Variants in TNXB observed in about 807,000 individuals in gnomAD.
The protein encoded by TNXB is tenascin-X.
TNXB carries 183 observed loss-of-function variants against 340.5 expected under a neutral mutation model. That is an observed-to-expected ratio of 0.54 (90% CI 0.48 to 0.61). The LOEUF (loss-of-function observed/expected upper bound fraction) is 0.61. Among genes scored for constraint, TNXB ranks in the 20% least tolerant of loss-of-function variants. The pLI, the probability that TNXB is intolerant of heterozygous loss-of-function variation, is 0.00. For missense variants in TNXB, 4,613 were observed against 5,446.4 expected (o/e 0.85, Z 4.82); for synonymous variants, 2,121 against 2,314.5 (o/e 0.92, Z 2.40).
At position 32,067,076 on chromosome 6, in the gene TNXB, A is replaced by G. The variant is rs1582399625; in HGVS notation, c.6544+585T>C. 1.1e-5 allele frequency among the ~76,000 whole-genome samples: 1 copy of G among 89,038 alleles called. No homozygotes were observed. Among genetic ancestry groups the G allele is most frequent in the Non-Finnish European group, 2.6e-5 (1 of 38,568 alleles). 58.4% of individuals were successfully genotyped at this position (89,038 alleles called of 152,430 possible). A position where few individuals can be genotyped will look rare whatever the true frequency, so the allele number is the denominator to read the frequency against. ...AGGCGACAGAGTGAGACCTTGTCTA[A>G]AAAGAAAGAAAGAAAAGAATGAAAG... On this transcript the variant is annotated intron_variant, in intron 18 of 43. Transcript: ENST00000644971. This position sits in a 1 kb window ranked among gnomAD's most constrained non-coding sequence, Gnocchi z 4.2.
rs567836351 is a variant in TNXB, at chr6:32,075,435, G to A, written c.4376-1483C>T. ...TTCTCGCCTGCCAGTCTCTGCATTT[G>A]CTCTTCCTTCTGTCTGGGATGCTCT... On this transcript the variant is annotated intron_variant, in intron 11 of 43. Coordinates refer to ENST00000644971, the MANE Select transcript of TNXB (RefSeq NM_001365276.2). This position sits in a 1 kb window ranked among gnomAD's most constrained non-coding sequence, Gnocchi z 4.6. Among the ~76,000 whole-genome samples the A allele has an allele frequency of 6.6e-6, 1 of 152,322 alleles. No homozygotes were observed. The highest frequency in any genetic ancestry group is 2.1e-4 in the South Asian group (1 of 4,828).
intron 18 of TNXB, 118 bp from the exon 19 acceptor site, chr6:32,065,235 C>CTGATTA: frequency 1.1e-6 from 1 of 901,784 alleles, no homozygotes; most frequent in Non-Finnish European, 1.6e-6. Flanking sequence ...AGATCGATTT[C>CTGATTA]TGATTATAAT....
At position 32,068,636 on chromosome 6, in the gene TNXB, C is replaced by T. The variant is rs756354346; in HGVS notation, c.5974G>A (p.Glu1992Lys). The change falls in exon 17 of 44, where the codon GAG becomes AAG. Residue 1992 changes from glutamate (E) to lysine (K), a missense_variant. This residue lies in a region of TNXB where 4,327 missense variants were observed against 4,859.4 expected (regional missense o/e 0.89). Transcript: ENST00000644971. This position sits in a 1 kb window ranked among gnomAD's most constrained non-coding sequence, Gnocchi z 5.3. ...GGGGTGGCATCTGTCACGGTCAGCT[C>T]CCCCAGGCGAGGCTTGATGGGGGGC... ...PEPPIKPRLGELTVTDATPDS... is the reference protein window; with the variant it reads ...PEPPIKPRLGKLTVTDATPDS... 8 of 1,613,764 alleles carry T rather than the reference C, an allele frequency of 5.0e-6. No homozygotes were observed. The Admixed American group carries it at 6.7e-5, about 13-fold the overall frequency.
rs538229835 is a variant in TNXB at position 32,083,235 on chromosome 6, C to T, written c.3446-909G>A. Among the ~76,000 whole-genome samples, 1 of 152,142 alleles carries T rather than the reference C, an allele frequency of 6.6e-6. No individual in the cohort carries two copies. Among genetic ancestry groups the T allele is most frequent in the Non-Finnish European group, 1.5e-5 (1 of 68,032 alleles). On this transcript the variant is annotated intron_variant, in intron 8 of 43. Transcript: ENST00000644971. This position sits in a 1 kb window ranked among gnomAD's most constrained non-coding sequence, Gnocchi z 4.6. The stretch of plus-strand genomic sequence containing the variant: ...TTCTGCCCCTCCCTGCAAGTCACTC[C>T]GCAAGCTACCCTGTGGGCTCTTCTT...
Position 32,073,949 on chromosome 6 carries a change from G to A in TNXB, c.4379C>T (p.Pro1460Leu). 3 of 1,593,860 alleles carry A rather than the reference G, an allele frequency of 1.9e-6. No individual in the cohort carries two copies. Among genetic ancestry groups the A allele is most frequent in the Non-Finnish European group, 8.6e-7 (1 of 1,168,174 alleles). The change falls in exon 12 of 44, where the codon CCA becomes CTA. Residue 1460 changes from proline (P) to leucine (L), a missense_variant. Pro to Leu is a moderately conservative substitution (Grantham distance 98). Coordinates refer to ENST00000644971, the MANE Select transcript of TNXB (RefSeq NM_001365276.2). This position sits in a 1 kb window ranked among gnomAD's most constrained non-coding sequence, Gnocchi z 4.6. ...GGCTGGAGGGGTCTCTTCTTGTTGTGGGGCTGGGACAGAGATGGTAGGGGG... is the reference window on the plus strand; with the variant it reads ...GGCTGGAGGGGTCTCTTCTTGTTGTAGGGCTGGGACAGAGATGGTAGGGGG... ...GPVSAVGVTA[P>L]QQEETPPATE...
intron 35 of TNXB, 50 bp from the exon 36 acceptor site, chr6:32,043,606 C>T (rs1203230962): frequency 8.5e-6 from 11 of 1,288,910 alleles, no homozygotes; most frequent in African/African-American, 7.6e-5. Flanking sequence ...CTCTCTACTC[C>T]GTGCCTCCCC....
At position 32,087,873 on chromosome 6, in the gene TNXB, C is replaced by A; in HGVS notation, c.2779+912G>T. 1 of 423,646 alleles carries A rather than the reference C, an allele frequency of 2.4e-6. No homozygotes were observed. The highest frequency in any genetic ancestry group is 1.7e-5 in the South Asian group (1 of 58,822). 26.2% of individuals were successfully genotyped at this position (423,646 alleles called of 1,614,324 possible). A position where few individuals can be genotyped will look rare whatever the true frequency, so the allele number is the denominator to read the frequency against. On this transcript the variant is annotated intron_variant, in intron 6 of 43. Coordinates refer to ENST00000644971, the MANE Select transcript of TNXB (RefSeq NM_001365276.2). The surrounding 1 kb of genome is among the most constrained non-coding windows in gnomAD (Gnocchi z 9.0). ...TGGGCGGGGACTCCTCCTCCCTTTC[C>A]TCTGCTGGCCTCGAGGGCCAAGGGG... is the stretch of plus-strand genomic sequence containing the variant.
At position 32,098,258 on chromosome 6, in the gene TNXB, G is replaced by A. The variant is rs533464525; in HGVS notation, c.-8-52C>T. ...AGCAGCTTCAAAAAGGAGACAAAATGAATCCCCCCTTCTCCAGCACATACC... is the reference window on the plus strand; with the variant it reads ...AGCAGCTTCAAAAAGGAGACAAAATAAATCCCCCCTTCTCCAGCACATACC... On this transcript the variant is annotated intron_variant, in intron 1 of 43. Transcript: ENST00000644971. The A allele has an allele frequency of 4.0e-5, 56 of 1,388,440 alleles. No homozygotes were observed. In the African/African-American group the frequency reaches 6.7e-4, roughly 17 times the overall value. The allele number at this position is 1,388,440 out of a possible 1,614,324, so 86.0% of individuals were successfully genotyped here.
Position 32,052,943 on chromosome 6 carries a change from C to T in TNXB, c.8842G>A (p.Glu2948Lys), listed in dbSNP as rs755214571. The T allele has an allele frequency of 1.9e-6, 3 of 1,612,582 alleles. No homozygotes were observed. In the Admixed American group the frequency reaches 5.0e-5, roughly 27 times the overall value. ...CCCAGGAGCGGCTCCTCAGGGGGCT[C>T]CGGGGCCTCCGTGCTGGGTTCTGTG... is the stretch of plus-strand genomic sequence containing the variant. Reference protein sequence around the residue: ...APTEPSTEAPEPPEEPLLGEL... With the variant: ...APTEPSTEAPKPPEEPLLGEL... The change falls in exon 26 of 44, where the codon GAG becomes AAG. Residue 2948 changes from glutamate to lysine, a missense_variant. Transcript: ENST00000644971. This position sits in a 1 kb window ranked among gnomAD's most constrained non-coding sequence, Gnocchi z 4.7.
chr6:32,046,006 T>C lies in TNXB; in HGVS notation c.10606+169A>G. ...TGGCCTGGCTCCTGCTCTGGACTCC[T>C]TGATGGATGTTGAAGCCCACAGGGC... On this transcript the variant is annotated intron_variant, in intron 31 of 43. Transcript: ENST00000644971. This position sits in a 1 kb window ranked among gnomAD's most constrained non-coding sequence, Gnocchi z 6.9. The C allele has an allele frequency of 7.3e-7, 1 of 1,377,868 alleles. No homozygotes were observed. Among genetic ancestry groups the C allele is most frequent in the African/African-American group, 1.4e-5 (1 of 69,260 alleles). The allele number at this position is 1,377,868 out of a possible 1,614,324, so 85.4% of individuals were successfully genotyped here.
chr6:32,055,234 T>A (rs77111030), intron 24 of TNXB, among the ~76,000 whole-genome samples: 7,424 of 152,248 alleles, frequency 0.049, 286 homozygotes, highest in East Asian at 0.12. Flanking sequence ...ACAATCTCTT[T>A]CTAAAGCCTC....
At position 32,069,423 on chromosome 6, in the gene TNXB, G is replaced by T; in HGVS notation, c.5587+130C>A. On this transcript the variant is annotated intron_variant, in intron 15 of 43. Transcript: ENST00000644971. This position sits in a 1 kb window ranked among gnomAD's most constrained non-coding sequence, Gnocchi z 6.2. The stretch of plus-strand genomic sequence containing the variant: ...TGGGACTGGGGCAACTGACTCTAAA[G>T]GGGCACAAGGAAACTTTCTGGATCA... 8.6e-7 allele frequency: 1 copy of T among 1,169,036 alleles called. No homozygotes were observed. The highest frequency in any genetic ancestry group is 1.2e-6 in the Non-Finnish European group (1 of 859,338). The allele number at this position is 1,169,036 out of a possible 1,614,324, so 72.4% of individuals were successfully genotyped here. A position where few individuals can be genotyped will look rare whatever the true frequency, so the allele number is the denominator to read the frequency against.
At position 32,108,456 on chromosome 6, in the gene TNXB, C is replaced by T. The variant is rs961060813; in HGVS notation, c.-9+725G>A. Among the ~76,000 whole-genome samples the T allele has an allele frequency of 1.3e-5, 2 of 152,038 alleles. No individual in the cohort carries two copies. Among genetic ancestry groups the T allele is most frequent in the African/African-American group, 2.4e-5 (1 of 41,368 alleles). On this transcript the variant is annotated intron_variant, in intron 1 of 43. Transcript: ENST00000644971. The surrounding 1 kb of genome is among the most constrained non-coding windows in gnomAD (Gnocchi z 4.8). Reference sequence around the variant, plus strand: ...GAGTGAAGACGGAGCCCCTGTGCCCCCAGAGGCATCTCTCAGCCATCCCAG... The same window carrying T: ...GAGTGAAGACGGAGCCCCTGTGCCCTCAGAGGCATCTCTCAGCCATCCCAG...
intron 6 of TNXB, among the ~76,000 whole-genome samples, chr6:32,088,175 C>T (rs1398151233): frequency 2.0e-5 from 3 of 152,196 alleles, no homozygotes; most frequent in African/African-American, 7.2e-5. Context: ...CATTCCCCTC[C>T]AAGCCCACCA....
Position 32,096,238 on chromosome 6 carries a change from C to T in TNXB, c.1615G>A (p.Glu539Lys), listed in dbSNP as rs1241674342. ...GCGTCACACACGCACACGCCATCCTCGCAAAGGCCGTGCCCACGGCAGTCC... is the reference window on the plus strand; with the variant it reads ...GCGTCACACACGCACACGCCATCCTTGCAAAGGCCGTGCCCACGGCAGTCC... ...PGDCRGHGLC[E>K]DGVCVCDAGY... The change falls in exon 3 of 44, where the codon GAG becomes AAG. Residue 539 changes from glutamate to lysine, a missense_variant. Physicochemically the swap from Glu to Lys is moderately conservative, Grantham distance 56. Around this residue, in one of 7 missense-constraint regions of TNXB, gnomAD observed 4,327 missense variants for 4,859.4 expected, o/e 0.89. Transcript: ENST00000644971. 6.4e-7 allele frequency: 1 copy of T among 1,568,788 alleles called. No homozygotes were observed. Among genetic ancestry groups the T allele is most frequent in the Non-Finnish European group, 8.6e-7 (1 of 1,160,816 alleles).
In TNXB at chr6:32,052,124, C is replaced by T. The variant is rs147075848; in HGVS notation, c.9115+546G>A. Among the ~76,000 whole-genome samples, 43 of 152,244 alleles carry T rather than the reference C, an allele frequency of 2.8e-4. No homozygotes were observed. The highest frequency in any genetic ancestry group is 9.9e-4 in the African/African-American group (41 of 41,548). ...CAACAAAAAAAGTGTGTTCCTTGGACCAGTGGCATCAAGATAGATGAGAAT... is the reference window on the plus strand; with the variant it reads ...CAACAAAAAAAGTGTGTTCCTTGGATCAGTGGCATCAAGATAGATGAGAAT... On this transcript the variant is annotated intron_variant, in intron 26 of 43. Transcript: ENST00000644971. This position sits in a 1 kb window ranked among gnomAD's most constrained non-coding sequence, Gnocchi z 4.7.
At chr6:32,078,063 CAGAAAGAAAGAGAAAGAA>C (rs1193680609) in intron 11 of TNXB, among the ~76,000 whole-genome samples, 9 of 92,990 alleles carry the variant, frequency 9.7e-5, no homozygotes, top group Non-Finnish European at 1.8e-4. Context: ...GAGAGAGAGA[CAGAAAGAAAGAGAAAGAA>C]AGAAAGAAAG....
chr6:32,069,432 G>C lies in TNXB; in HGVS notation c.5587+121C>G. Reference sequence around the variant, plus strand: ...GGCAACTGACTCTAAAGGGGCACAAGGAAACTTTCTGGATCAATGGAAATG... The same window carrying C: ...GGCAACTGACTCTAAAGGGGCACAACGAAACTTTCTGGATCAATGGAAATG... On this transcript the variant is annotated intron_variant, in intron 15 of 43. Transcript: ENST00000644971. This position sits in a 1 kb window ranked among gnomAD's most constrained non-coding sequence, Gnocchi z 6.2. The C allele has an allele frequency of 7.9e-7, 1 of 1,264,610 alleles. No individual in the cohort carries two copies. Among genetic ancestry groups the C allele is most frequent in the Non-Finnish European group, 1.1e-6 (1 of 944,528 alleles). The allele number at this position is 1,264,610 out of a possible 1,614,324, so 78.3% of individuals were successfully genotyped here.
chr6:32,060,928 T>C (rs1263524587), intron 21 of TNXB, among the ~76,000 whole-genome samples: 3 of 152,002 alleles, frequency 2.0e-5, no homozygotes, highest in Non-Finnish European at 2.9e-5. Flanking sequence ...CGTAAGCCAC[T>C]GTGCCCAGCC....
Sources: gnomAD v4.1 joint callset for allele counts (sites outside exome capture counted in the v4.1 genomes callset) on GRCh38, gnomAD v4.1.1 for gene constraint, gnomAD v4.1.1 regional missense constraint, Gnocchi (gnomAD v3.1) non-coding constraint, MANE v1.5 for transcripts, NCBI Gene and HGNC (gene_info 2026-07-23, HGNC 2026-07-21) for gene names.